Variants in HTR4 observed in about 807,000 individuals in gnomAD.
HTR4 encodes the protein 5-hydroxytryptamine receptor 4, also known as 5-hydroxytryptamine (serotonin) receptor 4, G protein-coupled.
A neutral mutation model predicts 36.8 loss-of-function variants in HTR4; 16 were observed. The ratio of observed to expected loss-of-function variants is 0.43; its 90% CI spans 0.29 to 0.66. The LOEUF (loss-of-function observed/expected upper bound fraction) is 0.66, where lower values mean the gene tolerates loss of function less well. Among genes scored for constraint, HTR4 ranks in the 30% least tolerant of loss-of-function variants. The probability of loss-of-function intolerance (pLI) is 0.13; values close to 1 mark genes in which losing one functional copy is unlikely to be tolerated. For missense variants in HTR4, 438 were observed against 490.9 expected (o/e 0.89, Z 1.02); for synonymous variants, 189 against 185.1 (o/e 1.02, Z -0.17).
chr5:148,612,802 A>G lies in HTR4; in HGVS notation c.26+24187T>C, dbSNP rs1752495137. The stretch of plus-strand genomic sequence containing the variant: ...CGCTAGCAAGACTAATAAAGAAAAA[A>G]AGAGAGAAGAATCAAATAGACGCAA... On this transcript the variant is annotated intron_variant, in intron 2 of 6. Transcript: ENST00000377888. Among the ~76,000 whole-genome samples, 3 of 142,970 alleles carry G rather than the reference A, an allele frequency of 2.1e-5. No homozygotes were observed. In the Admixed American group the frequency reaches 2.1e-4, roughly 10 times the overall value. 93.8% of individuals were successfully genotyped at this position (142,970 alleles called of 152,430 possible). A position where few individuals can be genotyped will look rare whatever the true frequency, so the allele number is the denominator to read the frequency against.
intron 2 of HTR4, among the ~76,000 whole-genome samples, chr5:148,587,450 G>A (rs930848302): frequency 4.6e-5 from 7 of 152,074 alleles, no homozygotes; most frequent in South Asian, 2.1e-4. Context: ...GTACTTGGGC[G>A]GAGGGTTGGG....
intron 4 of HTR4, among the ~76,000 whole-genome samples, chr5:148,532,256 G>A (rs186783986): frequency 2.9e-4 from 44 of 152,236 alleles, no homozygotes; most frequent in African/African-American, 9.4e-4. Context: ...AGAAGCACAG[G>A]ACACCTGTGC....
chr5:148,614,143 G>A (rs535122255), intron 2 of HTR4, among the ~76,000 whole-genome samples: 1 of 152,220 alleles, frequency 6.6e-6, no homozygotes, highest in South Asian at 2.1e-4. Flanking sequence ...TCCCCATCAA[G>A]CTACCAATGC....
At chr5:148,559,571 C>G (rs1028294798) in intron 2 of HTR4, among the ~76,000 whole-genome samples, 4 of 152,048 alleles carry the variant, frequency 2.6e-5, no homozygotes, top group Non-Finnish European at 4.4e-5. Flanking sequence ...CTCTTTCCCC[C>G]TAGGTTTCTT....
At chr5:148,574,810 T>C (rs1007632826) in intron 2 of HTR4, among the ~76,000 whole-genome samples, 9 of 152,110 alleles carry the variant, frequency 5.9e-5, no homozygotes, top group Admixed American at 2.6e-4. Flanking sequence ...CTACAGTAAG[T>C]GAAATTTCCA....
intron 2 of HTR4, among the ~76,000 whole-genome samples, chr5:148,574,099 A>G (rs1273146076): frequency 6.6e-6 from 1 of 152,100 alleles, no homozygotes; most frequent in Non-Finnish European, 1.5e-5. Context: ...AGGAGGGCAA[A>G]GCACATTAAC....
intron 2 of HTR4, among the ~76,000 whole-genome samples, chr5:148,565,822 G>T (rs926028746): frequency 6.6e-6 from 1 of 152,116 alleles, no homozygotes; most frequent in Non-Finnish European, 1.5e-5. Context: ...TTCTCCTCCT[G>T]CACCTGGTTA....
chr5:148,551,960 G>A (rs11168050), intron 2 of HTR4, among the ~76,000 whole-genome samples: 27,565 of 152,074 alleles, frequency 0.18, 3,562 homozygotes, highest in African/African-American at 0.36. Context: ...GGCTGGTCTG[G>A]GAGAGGCTGC....
At chr5:148,532,714 G>C (rs1226740513) in intron 4 of HTR4, among the ~76,000 whole-genome samples, 1 of 152,114 alleles carries the variant, frequency 6.6e-6, no homozygotes, top group Non-Finnish European at 1.5e-5. Context: ...ATAAACATAA[G>C]AGTAAAGTTA....
intron 4 of HTR4, among the ~76,000 whole-genome samples, chr5:148,546,310 A>G (rs994506550): frequency 4.6e-5 from 7 of 152,232 alleles, no homozygotes; most frequent in African/African-American, 1.4e-4. Context: ...CTGTAGTCAT[A>G]TAAAATAGGT....
At chr5:148,550,093 C>T in intron 3 of HTR4, 44 bp downstream of exon 3, 1 of 1,610,600 alleles carries the variant, frequency 6.2e-7, no homozygotes, top group Non-Finnish European at 8.5e-7. Flanking sequence ...AGGGACAGCT[C>T]AGAACTCCCA....
downstream of HTR4, among the ~76,000 whole-genome samples, chr5:148,478,121 C>T (rs1031182227): frequency 1.3e-5 from 2 of 152,174 alleles, no homozygotes; most frequent in African/African-American, 2.4e-5. Flanking sequence ...TGGCAAGAGA[C>T]CCTGCCTCAT....
intron 2 of HTR4, among the ~76,000 whole-genome samples, chr5:148,605,449 G>T (rs1752120852): frequency 6.6e-6 from 1 of 151,020 alleles, no homozygotes; most frequent in African/African-American, 2.4e-5. Flanking sequence ...GTAGAGATGG[G>T]GTTTCACCAT....
At chr5:148,531,805 T>C (rs900120583) in intron 4 of HTR4, among the ~76,000 whole-genome samples, 1 of 152,174 alleles carries the variant, frequency 6.6e-6, no homozygotes, top group Non-Finnish European at 1.5e-5. Context: ...TGAAGAGAGC[T>C]TTTACATCCC....
chr5:148,572,032 AG>A (rs1446025552), intron 2 of HTR4, among the ~76,000 whole-genome samples: 3 of 152,112 alleles, frequency 2.0e-5, no homozygotes, highest in Admixed American at 2.0e-4. Context: ...TCTATGTGCT[AG>A]AAATGCTGAG....
intron 2 of HTR4, among the ~76,000 whole-genome samples, chr5:148,553,848 C>T (rs77545482): frequency 0.01 from 1,597 of 152,282 alleles, 28 homozygotes; most frequent in African/African-American, 0.036. Context: ...ATATAGAATG[C>T]CTATGTGATC....
chr5:148,492,553 G>T (rs879891883), intron 6 of HTR4, among the ~76,000 whole-genome samples: 1 of 152,170 alleles, frequency 6.6e-6, no homozygotes, highest in Non-Finnish European at 1.5e-5. Flanking sequence ...AAAATAACTG[G>T]AGACCTGGAG....
rs147487953 is a variant in HTR4, at chr5:148,644,501, C to T, written c.-47-7440G>A. 5.8e-3 allele frequency among the ~76,000 whole-genome samples: 705 copies of T among 121,802 alleles called. 2 individuals carry two copies. Among genetic ancestry groups the T allele is most frequent in the Middle Eastern group, 0.014 (2 of 144 alleles). The allele number at this position is 121,802 out of a possible 152,430, so 79.9% of individuals were successfully genotyped here. On this transcript the variant is annotated intron_variant, in intron 1 of 6. Coordinates refer to ENST00000377888, the MANE Select transcript of HTR4 (RefSeq NM_000870.7). ...AGTTGGGACCCCAAGAAGCAGATCT[C>T]ATGATAAGGACTAAATGCACATTGT... is the stretch of plus-strand genomic sequence containing the variant.
intron 5 of HTR4, among the ~76,000 whole-genome samples, chr5:148,456,180 C>A (rs1417866708): frequency 3.9e-5 from 6 of 152,130 alleles, no homozygotes; most frequent in Admixed American, 6.5e-5. Context: ...TAAAGACATA[C>A]CCTGGGTTTG....
Sources: allele counts gnomAD v4.1 joint callset (sites outside exome capture counted in the v4.1 genomes callset), GRCh38; gene constraint gnomAD v4.1.1; transcripts MANE v1.5; gene names NCBI Gene and HGNC (gene_info 2026-07-23, HGNC 2026-07-21).